Variants in PPP2R2B observed in about 807,000 individuals in gnomAD.
The protein encoded by PPP2R2B is serine/threonine-protein phosphatase 2A 55 kDa regulatory subunit B beta isoform.
A neutral mutation model predicts 46.0 loss-of-function variants in PPP2R2B; 5 were observed. The ratio of observed to expected loss-of-function variants is 0.11; its 90% CI spans 0.06 to 0.23. The LOEUF (loss-of-function observed/expected upper bound fraction) is 0.23, where lower values mean the gene tolerates loss of function less well. PPP2R2B is among the 10% of genes least tolerant of loss of function. The pLI is 1.00. For missense variants in PPP2R2B, 367 were observed against 575.0 expected, an observed-to-expected ratio of 0.64 and a Z score of 3.70; for synonymous variants, 215 against 206.7, an observed-to-expected ratio of 1.04 and a Z score of -0.34.
rs191663094 is a variant in PPP2R2B, at chr5:147,042,061, G to A, written c.79+13604C>T. Among the ~76,000 whole-genome samples the A allele has an allele frequency of 1.2e-3, 177 of 152,170 alleles. 1 individual carries two copies. The highest frequency in any genetic ancestry group is 3.8e-4 in the Non-Finnish European group (26 of 68,008). ...TAAGATACTGTGGCGAGCTATATCC[G>A]CAGTTCCCAGGAATTCGTCCGATTG... On this transcript the variant is annotated intron_variant, in intron 1 of 8. Coordinates refer to the PPP2R2B transcript ENST00000336640.
chr5:146,700,881 T>G (rs1359824827), intron 3 of PPP2R2B, among the ~76,000 whole-genome samples, 164 bp downstream of exon 3: 1 of 152,160 alleles, frequency 6.6e-6, no homozygotes, highest in East Asian at 1.9e-4. Flanking sequence ...ACAGGGCTTT[T>G]ATGAGTCTGA....
At chr5:147,018,007 T>A (rs184783387) in intron 1 of PPP2R2B, among the ~76,000 whole-genome samples, 1 of 150,606 alleles carries the variant, frequency 6.6e-6, no homozygotes, top group South Asian at 2.1e-4. Context: ...CAGGCCCAGA[T>A]GAATTATAGT....
At chr5:146,746,918 T>A (rs558701234) in intron 2 of PPP2R2B, among the ~76,000 whole-genome samples, 3 of 152,312 alleles carry the variant, frequency 2.0e-5, no homozygotes, top group Admixed American at 1.3e-4. Context: ...CAAGTTCATA[T>A]GGCGAGTCCG....
chr5:146,690,193 G>C (rs1778756773), intron 5 of PPP2R2B, among the ~76,000 whole-genome samples: 1 of 152,160 alleles, frequency 6.6e-6, no homozygotes, highest in Admixed American at 6.5e-5. Context: ...GGCTGTTGGG[G>C]CTAGGGCTAT....
intron 1 of PPP2R2B, among the ~76,000 whole-genome samples, chr5:146,895,322 GC>G (rs1356908470): frequency 6.6e-6 from 1 of 152,190 alleles, no homozygotes; most frequent in Non-Finnish European, 1.5e-5. Flanking sequence ...TGCTCTCATA[GC>G]ACCAAGTGTC....
intron 2 of PPP2R2B, among the ~76,000 whole-genome samples, chr5:146,867,385 T>C (rs1389439666): frequency 2.6e-5 from 4 of 152,222 alleles, no homozygotes; most frequent in African/African-American, 9.6e-5. Flanking sequence ...GGGCCTTTCA[T>C]TGAAATTAGT....
chr5:146,972,854 A>G (rs953307419), intron 1 of PPP2R2B, among the ~76,000 whole-genome samples: 3 of 152,140 alleles, frequency 2.0e-5, no homozygotes, highest in African/African-American at 7.2e-5. Context: ...TGAACTTCTA[A>G]TCAATCTTAT....
upstream of PPP2R2B, among the ~76,000 whole-genome samples, chr5:147,056,353 A>G (rs1757083060): frequency 6.6e-6 from 1 of 152,182 alleles, no homozygotes; most frequent in Non-Finnish European, 1.5e-5. Flanking sequence ...TAAAGCCCAA[A>G]CAATAGGACC....
chr5:146,810,705 CTTTT>C lies in PPP2R2B; in HGVS notation c.70+67293_70+67296del, dbSNP rs566360243. 8.0e-3 allele frequency among the ~76,000 whole-genome samples: 1,213 copies of C among 151,074 alleles called. 2 individuals are homozygous for C. Among genetic ancestry groups the C allele is most frequent in the Non-Finnish European group, 0.012 (807 of 67,702 alleles). ...GACTTCCAGTCTCTATGGCTCCTGT[CTTTT>C]TTTTTCTTTTTAATATATATATTTT... On this transcript the variant is annotated intron_variant, in intron 2 of 9. Transcript: ENST00000394411.
chr5:146,891,486 C>T (rs1000367551), intron 1 of PPP2R2B, among the ~76,000 whole-genome samples: 16 of 152,108 alleles, frequency 1.1e-4, no homozygotes, highest in Admixed American at 5.9e-4. Context: ...AGCAGATTTG[C>T]TCTTTTTAAT....
At chr5:147,010,429 C>T (rs1330387957) in intron 1 of PPP2R2B, among the ~76,000 whole-genome samples, 1 of 152,124 alleles carries the variant, frequency 6.6e-6, no homozygotes, top group African/African-American at 2.4e-5. Context: ...AATGTAGAAT[C>T]AGTGGGAGCC....
chr5:146,664,499 G>T lies in PPP2R2B; in HGVS notation c.448-13775C>A, dbSNP rs114873113. 1.2e-3 allele frequency among the ~76,000 whole-genome samples: 185 copies of T among 151,576 alleles called. 1 individual carries two copies. Among genetic ancestry groups the T allele is most frequent in the African/African-American group, 4.4e-3 (180 of 41,340 alleles). ...TGCAGCAATTAAGACCCATCTTCAG[G>T]CTCCATTTTTAGTTCTAGTTTTTTT... On this transcript the variant is annotated intron_variant, in intron 5 of 9. Transcript: ENST00000394411.
intron 5 of PPP2R2B, among the ~76,000 whole-genome samples, chr5:146,667,097 T>C (rs1055672233): frequency 6.6e-6 from 1 of 152,136 alleles, no homozygotes; most frequent in African/African-American, 2.4e-5. Context: ...ATAAAGGCTA[T>C]TGGTCAGAAG....
chr5:146,610,225 C>A (rs1772747621), intron 7 of PPP2R2B, among the ~76,000 whole-genome samples: 1 of 25,014 alleles, frequency 4.0e-5, no homozygotes, highest in Non-Finnish European at 7.5e-5. Context: ...AGGCACCCCC[C>A]AGCAGGGGCA....
chr5:146,756,760 C>G (rs1017807314), intron 2 of PPP2R2B, among the ~76,000 whole-genome samples: 3 of 152,082 alleles, frequency 2.0e-5, no homozygotes, highest in African/African-American at 7.2e-5. Context: ...AAAAGAATGC[C>G]TGATGCATAG....
rs1429061407 is a variant in PPP2R2B at position 146,878,633 on chromosome 5, G to C, written c.-167C>G. 2.4e-6 allele frequency: 3 copies of C among 1,248,378 alleles called. No homozygotes were observed. Among genetic ancestry groups the C allele is most frequent in the East Asian group, 6.9e-5 (2 of 28,848 alleles). 77.3% of individuals were successfully genotyped at this position (1,248,378 alleles called of 1,614,324 possible). A position where few individuals can be genotyped will look rare whatever the true frequency, so the allele number is the denominator to read the frequency against. On this transcript the variant is annotated 5_prime_UTR_variant, in exon 1 of 10. Transcript: ENST00000394411. This position sits in a 1 kb window ranked among gnomAD's most constrained non-coding sequence, Gnocchi z 4.5. Reference sequence around the variant, plus strand: ...GCTGGTCCCACGGGAGGGCGGCTCCGGCAGGCGGGGGTAGGGAAGCTGGCG... The same window carrying C: ...GCTGGTCCCACGGGAGGGCGGCTCCCGCAGGCGGGGGTAGGGAAGCTGGCG...
chr5:146,640,277 C>T (rs1252818144), intron 6 of PPP2R2B, among the ~76,000 whole-genome samples: 1 of 152,240 alleles, frequency 6.6e-6, no homozygotes, highest in Non-Finnish European at 1.5e-5. Flanking sequence ...ATTTCTCCTA[C>T]CAAACCCAGA....
At chr5:146,591,457 C>T (rs116610673) in intron 9 of PPP2R2B, among the ~76,000 whole-genome samples, 9 of 152,094 alleles carry the variant, frequency 5.9e-5, no homozygotes, top group Admixed American at 1.3e-4. Flanking sequence ...TCCATGATCT[C>T]GTTTCAACTT....
At chr5:146,724,477 G>A (rs1224129634) in intron 2 of PPP2R2B, among the ~76,000 whole-genome samples, 2 of 152,060 alleles carry the variant, frequency 1.3e-5, no homozygotes, top group African/African-American at 4.8e-5. Flanking sequence ...CGACTCACAG[G>A]GAACACTGAA....
Sources: gnomAD v4.1 joint callset for allele counts (sites outside exome capture counted in the v4.1 genomes callset) on GRCh38, gnomAD v4.1.1 for gene constraint, Gnocchi (gnomAD v3.1) non-coding constraint, MANE v1.5 for transcripts, NCBI Gene and HGNC (gene_info 2026-07-23, HGNC 2026-07-21) for gene names.